The following YPEL5 variants were observed in gnomAD, a reference collection of about 807,000 sequenced individuals.
The protein encoded by YPEL5 is protein yippee-like 5.
Under a neutral mutation model 10.5 loss-of-function variants are expected in YPEL5, and 1 was observed. The ratio of observed to expected loss-of-function variants is 0.10; its 90% CI spans 0.03 to 0.45. YPEL5 has a LOEUF of 0.45. YPEL5 is among the 20% of genes least tolerant of loss of function. The pLI is 0.97. For missense variants in YPEL5, 68 were observed against 159.3 expected, an observed-to-expected ratio of 0.43 and a Z score of 3.09; for synonymous variants, 61 against 56.6, an observed-to-expected ratio of 1.08 and a Z score of -0.35.
intron 1 of YPEL5, among the ~76,000 whole-genome samples, chr2:30,155,589 A>G (rs377319908): frequency 1.3e-5 from 2 of 152,224 alleles, no homozygotes; most frequent in Admixed American, 6.5e-5. Flanking sequence ...AAACTGTGGT[A>G]TATTCTTGAC....
At chr2:30,148,807 A>AT (rs1327629179) in intron 1 of YPEL5, among the ~76,000 whole-genome samples, 1 of 152,244 alleles carries the variant, frequency 6.6e-6, no homozygotes, top group Non-Finnish European at 1.5e-5. Flanking sequence ...AATTATGAAA[A>AT]GAAGTAATTA....
At chr2:30,157,487 A>G (rs1280000593) in intron 2 of YPEL5, among the ~76,000 whole-genome samples, 3 of 152,170 alleles carry the variant, frequency 2.0e-5, no homozygotes, top group Admixed American at 6.5e-5. Flanking sequence ...ACGATCATCT[A>G]ACCAACTTTT....
At chr2:30,151,436 G>C (rs1192395627) in intron 1 of YPEL5, among the ~76,000 whole-genome samples, 1 of 152,148 alleles carries the variant, frequency 6.6e-6, no homozygotes, top group Non-Finnish European at 1.5e-5. Context: ...ATTGGTGAGA[G>C]AGGGAGGAAA....
intron 2 of YPEL5, among the ~76,000 whole-genome samples, chr2:30,157,240 G>C (rs547415375): frequency 6.6e-6 from 1 of 151,334 alleles, no homozygotes; most frequent in Non-Finnish European, 1.5e-5. Context: ...CCGAGATAGC[G>C]CCACTGCACT....
intron 2 of YPEL5, among the ~76,000 whole-genome samples, chr2:30,157,247 C>T (rs1447361308): frequency 6.6e-6 from 1 of 151,418 alleles, no homozygotes; most frequent in Non-Finnish European, 1.5e-5. Context: ...AGCGCCACTG[C>T]ACTCCAGCCT....
At chr2:30,150,088 C>T (rs927525243) in intron 1 of YPEL5, among the ~76,000 whole-genome samples, 4 of 152,220 alleles carry the variant, frequency 2.6e-5, no homozygotes, top group African/African-American at 9.6e-5. Flanking sequence ...AGACCCAGAA[C>T]TGTGACATGC....
In YPEL5 at chr2:30,159,047, A is replaced by C; in HGVS notation, c.*204A>C. 5 of 581,674 alleles carry C rather than the reference A, an allele frequency of 8.6e-6. No individual in the cohort carries two copies. The South Asian group carries it at 1.1e-4, about 13-fold the overall frequency. The allele number at this position is 581,674 out of a possible 1,614,324, so 36.0% of individuals were successfully genotyped here. The stretch of plus-strand genomic sequence containing the variant: ...CATCCAACAGCAGTGTGTAGAGAGA[A>C]TATTATGCAGATGCCGTTAATTTTT... On this transcript the variant is annotated 3_prime_UTR_variant, in exon 3 of 3. Coordinates refer to ENST00000261353, the MANE Select transcript of YPEL5 (RefSeq NM_016061.3).
chr2:30,156,927 C>T lies in YPEL5; in HGVS notation c.141+135C>T, dbSNP rs1676066406. ...CTTGAAATCTACAGAAATGATTGCC[C>T]ACTAGCTCGTCTTTGATGGGACCTT... On this transcript the variant is annotated intron_variant, in intron 2 of 2. Transcript: ENST00000261353. 18 of 1,069,494 alleles carry T rather than the reference C, an allele frequency of 1.7e-5. No individual in the cohort carries two copies. The South Asian group carries it at 2.5e-4, about 15-fold the overall frequency. 66.3% of individuals were successfully genotyped at this position (1,069,494 alleles called of 1,614,324 possible).
chr2:30,157,054 G>T (rs1176984919), intron 2 of YPEL5, among the ~76,000 whole-genome samples: 1 of 152,170 alleles, frequency 6.6e-6, no homozygotes, highest in Non-Finnish European at 1.5e-5. Context: ...GGAGGCCGAG[G>T]TGGGCAGATC....
chr2:30,153,170 G>A (rs1287713898), intron 1 of YPEL5, among the ~76,000 whole-genome samples: 3 of 152,260 alleles, frequency 2.0e-5, no homozygotes, highest in Middle Eastern at 3.4e-3. Flanking sequence ...CCAAAGGGCC[G>A]GGATTACAGG....
chr2:30,155,495 G>A (rs1231985287), intron 1 of YPEL5, among the ~76,000 whole-genome samples: 1 of 152,072 alleles, frequency 6.6e-6, no homozygotes, highest in East Asian at 1.9e-4. Flanking sequence ...CATTAGCTCT[G>A]CATGCCATTG....
intron 1 of YPEL5, among the ~76,000 whole-genome samples, chr2:30,151,086 A>G (rs1675765863): frequency 6.6e-6 from 1 of 152,208 alleles, no homozygotes; most frequent in Non-Finnish European, 1.5e-5. Flanking sequence ...TTTTAAGGAA[A>G]ACAGTCAGCA....
intron 2 of YPEL5, among the ~76,000 whole-genome samples, chr2:30,158,091 C>A (rs1161480574): frequency 6.6e-6 from 1 of 152,204 alleles, no homozygotes; most frequent in African/African-American, 2.4e-5. Flanking sequence ...TCATTGTGTT[C>A]ATTGTCTTTG....
intron 1 of YPEL5, 90 bp from the exon 2 acceptor site, chr2:30,156,538 C>T (rs1676045970): frequency 1.5e-5 from 18 of 1,176,306 alleles, no homozygotes; most frequent in South Asian, 1.1e-4. Flanking sequence ...TACATAAATA[C>T]GTATACAAAT....
chr2:30,156,607 T>C (rs914595947), intron 1 of YPEL5, 21 bp from the exon 2 acceptor site: 6 of 1,610,184 alleles, frequency 3.7e-6, no homozygotes, highest in South Asian at 2.2e-5. Flanking sequence ...GCATTTGTTA[T>C]CCTTTTCTAT....
chr2:30,147,791 C>A, intron 1 of YPEL5: 1 of 153,188 alleles, frequency 6.5e-6, no homozygotes, highest in South Asian at 1.8e-4. Flanking sequence ...AGAGAGCCCC[C>A]CGGCCACCCG....
At chr2:30,156,367 G>T in intron 1 of YPEL5, 1 of 326,284 alleles carries the variant, frequency 3.1e-6, no homozygotes, top group Non-Finnish European at 5.7e-6. Flanking sequence ...TAAGAGAAGT[G>T]ACACTATTCT....
At chr2:30,148,707 T>C (rs892200102) in intron 1 of YPEL5, among the ~76,000 whole-genome samples, 59 of 152,212 alleles carry the variant, frequency 3.9e-4, no homozygotes, top group African/African-American at 1.4e-3. Context: ...TGCGAACTTT[T>C]CTCTAGACTA....
At chr2:30,156,224 T>C (rs1296055583) in intron 1 of YPEL5, among the ~76,000 whole-genome samples, 1 of 152,236 alleles carries the variant, frequency 6.6e-6, no homozygotes, top group Non-Finnish European at 1.5e-5. Flanking sequence ...TCACAATTCT[T>C]TTCTGAAATT....
Sources: allele counts gnomAD v4.1 joint callset (sites outside exome capture counted in the v4.1 genomes callset), GRCh38; gene constraint gnomAD v4.1.1; transcripts MANE v1.5; gene names NCBI Gene and HGNC (gene_info 2026-07-23, HGNC 2026-07-21).